The following EPN2 variants were observed in gnomAD, a reference collection of about 807,000 sequenced individuals.
The protein encoded by EPN2 is epsin-2.
A neutral mutation model predicts 61.7 loss-of-function variants in EPN2; 34 were observed. That is an observed-to-expected ratio of 0.55 (90% CI 0.42 to 0.73). The LOEUF (loss-of-function observed/expected upper bound fraction) is 0.73. Among genes scored for constraint, EPN2 ranks in the 30% least tolerant of loss-of-function variants. The pLI is 0.00. For synonymous variants in EPN2, 349 were observed against 353.6 expected (o/e 0.99, Z 0.15); for missense variants, 714 against 839.2 (o/e 0.85, Z 1.84).
chr17:19,261,752 C>T (rs1044492410), intron 1 of EPN2, among the ~76,000 whole-genome samples: 5 of 152,348 alleles, frequency 3.3e-5, no homozygotes, highest in African/African-American at 1.2e-4. Flanking sequence ...ACCCTCTCAC[C>T]TCAGTGGCCT....
intron 1 of EPN2, 140 bp from the exon 2 acceptor site, chr17:19,281,815 T>C (rs1172082687): frequency 6.6e-6 from 1 of 152,216 alleles, no homozygotes; most frequent in Non-Finnish European, 1.5e-5. Context: ...TGTCCTAATC[T>C]ACCTGGGGCA....
At chr17:19,288,296 G>A (rs929915039) in intron 4 of EPN2, among the ~76,000 whole-genome samples, 10 of 152,246 alleles carry the variant, frequency 6.6e-5, no homozygotes, top group Non-Finnish European at 1.2e-4. Context: ...TTCCCATGGG[G>A]CACCAGGCAC....
Position 19,241,829 on chromosome 17 carries a change from G to T in EPN2, c.-294+4298G>T, listed in dbSNP as rs756326039. Among the ~76,000 whole-genome samples, 4 of 152,150 alleles carry T rather than the reference G, an allele frequency of 2.6e-5. No homozygotes were observed. The East Asian group carries it at 7.7e-4, about 29-fold the overall frequency. ...AAAAACTGAGGCCCAGAGAGGTTAA[G>T]TAAGCTGTGAGGAACTGGCACAGCC... is the stretch of plus-strand genomic sequence containing the variant. On this transcript the variant is annotated intron_variant, in intron 1 of 10. Coordinates refer to ENST00000314728, the MANE Select transcript of EPN2 (RefSeq NM_014964.5).
chr17:19,285,593 G>A lies in EPN2; in HGVS notation c.596-27G>A. 3 of 1,321,966 alleles carry A rather than the reference G, an allele frequency of 2.3e-6. No individual in the cohort carries two copies. The highest frequency in any genetic ancestry group is 3.1e-6 in the Non-Finnish European group (3 of 979,154). 81.9% of individuals were successfully genotyped at this position (1,321,966 alleles called of 1,614,324 possible). A position where few individuals can be genotyped will look rare whatever the true frequency, so the allele number is the denominator to read the frequency against. On this transcript the variant is annotated intron_variant, in intron 3 of 10. Coordinates refer to ENST00000314728, the MANE Select transcript of EPN2 (RefSeq NM_014964.5). This position sits in a 1 kb window ranked among gnomAD's most constrained non-coding sequence, Gnocchi z 4.5. ...ACCCTCTAATGGCGTGTCTCTCTGTGTGTGTGTGTGTGTCCCTGCCCCACA... is the reference window on the plus strand; with the variant it reads ...ACCCTCTAATGGCGTGTCTCTCTGTATGTGTGTGTGTGTCCCTGCCCCACA...
chr17:19,320,479 G>T lies in EPN2; in HGVS notation c.1147+7200G>T, dbSNP rs72836792. Among the ~76,000 whole-genome samples, 1,161 of 152,150 alleles carry T rather than the reference G, an allele frequency of 7.6e-3. 4 individuals are homozygous for T. The highest frequency in any genetic ancestry group is 0.011 in the Non-Finnish European group (779 of 67,992). ...TGAGGAGGGCTTGGTGAGAGGTCTG[G>T]GTGCACCCAGAGCTCAGTGTTTCTT... On this transcript the variant is annotated intron_variant, in intron 7 of 10. Coordinates refer to ENST00000314728, the MANE Select transcript of EPN2 (RefSeq NM_014964.5).
At chr17:19,258,378 G>A (rs77254579) in intron 1 of EPN2, among the ~76,000 whole-genome samples, 128 of 152,292 alleles carry the variant, frequency 8.4e-4, no homozygotes, top group Middle Eastern at 3.4e-3. Context: ...CCCAATGCCA[G>A]CGTGCTTTGA....
chr17:19,280,051 C>G (rs1025563306), intron 1 of EPN2: 1 of 152,062 alleles, frequency 6.6e-6, no homozygotes, highest in African/African-American at 2.4e-5. Flanking sequence ...GTTGCCCAGG[C>G]TGGTCTTGAA....
chr17:19,253,447 C>T (rs918800396), intron 1 of EPN2, among the ~76,000 whole-genome samples: 10 of 132,918 alleles, frequency 7.5e-5, no homozygotes, highest in Non-Finnish European at 1.4e-4. Flanking sequence ...CAGGGTCTCA[C>T]TCTGTCACCC....
At chr17:19,270,828 C>T (rs1329404412) in intron 1 of EPN2, among the ~76,000 whole-genome samples, 2 of 152,294 alleles carry the variant, frequency 1.3e-5, no homozygotes, top group African/African-American at 2.4e-5. Flanking sequence ...TCTCAGGCCC[C>T]GTGGTGCCTG....
At chr17:19,321,560 C>T (rs1906636515) in intron 7 of EPN2, among the ~76,000 whole-genome samples, 1 of 152,098 alleles carries the variant, frequency 6.6e-6, no homozygotes, top group African/African-American at 2.4e-5. Context: ...ACCAGGGCAT[C>T]CTTGCAGGAG....
chr17:19,275,854 A>G (rs1441441850), intron 1 of EPN2, among the ~76,000 whole-genome samples: 1 of 152,226 alleles, frequency 6.6e-6, no homozygotes, highest in African/African-American at 2.4e-5. Context: ...CATATTGAAT[A>G]GATATGGCTT....
intron 1 of EPN2, among the ~76,000 whole-genome samples, chr17:19,250,436 C>T (rs1004679116): frequency 6.6e-6 from 1 of 152,082 alleles, no homozygotes; most frequent in Non-Finnish European, 1.5e-5. Context: ...TTCTCCTTTG[C>T]CACAAAACCT....
intron 1 of EPN2, among the ~76,000 whole-genome samples, chr17:19,276,776 T>TTTTTTTTTTTTGTTTG (rs1380992224): frequency 2.2e-5 from 3 of 138,876 alleles, no homozygotes; most frequent in South Asian, 3.2e-4. Context: ...AGAATAAGTT[T>TTTTTTTTTTTTGTTTG]TTTTTTTTTT....
At chr17:19,319,964 A>T (rs922960072) in intron 7 of EPN2, among the ~76,000 whole-genome samples, 6 of 152,200 alleles carry the variant, frequency 3.9e-5, no homozygotes, top group Admixed American at 2.6e-4. Flanking sequence ...GCGACAGATT[A>T]TACTTTTGCA....
At chr17:19,263,000 T>C (rs779031925) in intron 1 of EPN2, among the ~76,000 whole-genome samples, 9 of 152,350 alleles carry the variant, frequency 5.9e-5, no homozygotes, top group Non-Finnish European at 1.3e-4. Context: ...GACAAAGTTG[T>C]TTCCAGTCTT....
intron 10 of EPN2, among the ~76,000 whole-genome samples, chr17:19,333,187 G>T (rs1315494353): frequency 1.3e-5 from 2 of 152,108 alleles, no homozygotes; most frequent in African/African-American, 4.8e-5. Context: ...TCTGCCCAGA[G>T]AGCCCTTGAA....
chr17:19,335,460 C>T lies in EPN2; in HGVS notation c.*1206C>T. On this transcript the variant is annotated 3_prime_UTR_variant, in exon 11 of 11. Transcript: ENST00000314728. ...CAATGGAAATCTGAAATGGAAGAAACATCTTTAACCTTGTGTGTCTGTGAT... is the reference window on the plus strand; with the variant it reads ...CAATGGAAATCTGAAATGGAAGAAATATCTTTAACCTTGTGTGTCTGTGAT... The T allele has an allele frequency of 6.5e-7, 1 of 1,549,882 alleles. No homozygotes were observed. Among genetic ancestry groups the T allele is most frequent in the Non-Finnish European group, 8.7e-7 (1 of 1,146,592 alleles).
intron 4 of EPN2, among the ~76,000 whole-genome samples, chr17:19,291,780 C>T (rs1375981226): frequency 6.6e-6 from 1 of 152,142 alleles, no homozygotes; most frequent in Non-Finnish European, 1.5e-5. Flanking sequence ...AATTTGAAAG[C>T]TTTCTTGTGC....
At chr17:19,308,645 C>T (rs1486387894) in intron 4 of EPN2, 2 of 985,166 alleles carry the variant, frequency 2.0e-6, no homozygotes, top group East Asian at 1.1e-4. Context: ...GCACGGAGAC[C>T]CGGGAGGAGG....
Sources: gnomAD v4.1 joint callset for allele counts (sites outside exome capture counted in the v4.1 genomes callset) on GRCh38, gnomAD v4.1.1 for gene constraint, Gnocchi (gnomAD v3.1) non-coding constraint, MANE v1.5 for transcripts, NCBI Gene and HGNC (gene_info 2026-07-23, HGNC 2026-07-21) for gene names.